Variants in TENM3 observed in about 807,000 individuals in gnomAD.
TENM3 encodes the protein teneurin transmembrane protein 3, also known as teneurin-3.
TENM3 carries 63 observed loss-of-function variants against 255.1 expected under a neutral mutation model. The observed-to-expected ratio is 0.25, with a 90% CI of 0.20 to 0.30. TENM3 has a LOEUF of 0.30. TENM3 is among the 10% of genes least tolerant of loss of function. TENM3 has a pLI of 1.00. For synonymous variants in TENM3, 1,306 were observed against 1,322.3 expected, an observed-to-expected ratio of 0.99 and a Z score of 0.27; for missense variants, 2,929 against 3,461.1, an observed-to-expected ratio of 0.85 and a Z score of 3.86.
At chr4:182,377,165 C>A (rs1173115886) in intron 3 of TENM3, among the ~76,000 whole-genome samples, 1 of 152,128 alleles carries the variant, frequency 6.6e-6, no homozygotes, top group Non-Finnish European at 1.5e-5. Context: ...TTGCTAATGA[C>A]CCATATAGTA....
chr4:182,754,431 A>G lies in TENM3; in HGVS notation c.4064A>G (p.Asn1355Ser), dbSNP rs1762582244. The G allele has an allele frequency of 6.2e-7, 1 of 1,610,116 alleles. No homozygotes were observed. Among genetic ancestry groups the G allele is most frequent in the African/African-American group, 1.3e-5 (1 of 74,886 alleles). The change falls in exon 22 of 28, where the codon AAC (asparagine) becomes AGC (serine). Residue 1355 changes from asparagine (N) to serine (S), a missense_variant. By Grantham distance (46) the Asn-to-Ser change is conservative. This residue lies in a region of TENM3 where 1,608 missense variants were observed against 1,884.4 expected (regional missense o/e 0.85). Transcript: ENST00000511685. The surrounding 1 kb of genome is among the most constrained non-coding windows in gnomAD (Gnocchi z 5.1). ...GACCTAGCCATTAACCCTATGGATA[A>G]CTCCATTTATGTCCTGGATAATAAT... ...PTDLAINPMDNSIYVLDNNVV... is the reference protein window; with the variant it reads ...PTDLAINPMDSSIYVLDNNVV...
the TENM3 span, among the ~76,000 whole-genome samples, chr4:181,699,274 T>C: frequency 6.7e-6 from 1 of 149,970 alleles, no homozygotes; most frequent in East Asian, 2.0e-4. Flanking sequence ...CTAGAAAAAA[T>C]ACAAAAATTA....
the TENM3 span, among the ~76,000 whole-genome samples, chr4:181,675,083 A>T: frequency 6.6e-6 from 1 of 152,168 alleles, no homozygotes; most frequent in East Asian, 1.9e-4. Flanking sequence ...CTAAACAGCA[A>T]GTCTGGGTCT....
the TENM3 span, among the ~76,000 whole-genome samples, chr4:181,489,000 G>A: frequency 6.6e-6 from 1 of 152,170 alleles, no homozygotes; most frequent in Non-Finnish European, 1.5e-5. Flanking sequence ...GGTCCTCTGA[G>A]CCTTGCAATA....
chr4:182,578,857 T>TC (rs1031586843), intron 3 of TENM3, among the ~76,000 whole-genome samples: 26 of 152,348 alleles, frequency 1.7e-4, no homozygotes, highest in African/African-American at 6.3e-4. Context: ...TTTGGAAATC[T>TC]CCAGTCTTCC....
the TENM3 span, among the ~76,000 whole-genome samples, chr4:182,101,100 GAGGGAGGAAGGAAAGA>G: frequency 2.9e-4 from 3 of 10,182 alleles, no homozygotes; most frequent in African/African-American, 7.1e-4. Context: ...GGGAGGGAGG[GAGGGAGGAAGGAAAGA>G]AGGAAGGAAA....
chr4:182,595,052 C>T lies in TENM3; in HGVS notation c.512-5872C>T, dbSNP rs562783529. Among the ~76,000 whole-genome samples, 3 of 152,204 alleles carry T rather than the reference C, an allele frequency of 2.0e-5. No individual in the cohort carries two copies. The East Asian group carries it at 5.8e-4, about 29-fold the overall frequency. On this transcript the variant is annotated intron_variant, in intron 3 of 27. Transcript: ENST00000511685. ...CTTGGCACTTAACTTTTATGTCAGGCACTGTGTGTTTTTAGCTCCTTTAAA... is the reference window on the plus strand; with the variant it reads ...CTTGGCACTTAACTTTTATGTCAGGTACTGTGTGTTTTTAGCTCCTTTAAA...
chr4:181,981,937 A>G, the TENM3 span, among the ~76,000 whole-genome samples: 3 of 152,324 alleles, frequency 2.0e-5, no homozygotes, highest in East Asian at 5.8e-4. Flanking sequence ...TCAGACTCCT[A>G]TTTAAGATAA....
chr4:181,676,253 T>C, the TENM3 span, among the ~76,000 whole-genome samples: 1 of 152,084 alleles, frequency 6.6e-6, no homozygotes, highest in African/African-American at 2.4e-5. Context: ...TAAAGAAAAC[T>C]TCACAAACAA....
chr4:181,700,275 C>G, the TENM3 span, among the ~76,000 whole-genome samples: 1 of 150,404 alleles, frequency 6.6e-6, no homozygotes, highest in Non-Finnish European at 1.5e-5. Context: ...TAATATAAGT[C>G]AGTGACAAAA....
chr4:182,416,317 C>CA (rs1770355545), intron 3 of TENM3, among the ~76,000 whole-genome samples: 1 of 151,822 alleles, frequency 6.6e-6, no homozygotes, highest in South Asian at 2.1e-4. Context: ...TGACCAGCTG[C>CA]AAAAATGGTA....
At chr4:182,262,719 TC>T (rs1470997999) in intron 1 of TENM3, among the ~76,000 whole-genome samples, 22 of 138,034 alleles carry the variant, frequency 1.6e-4, no homozygotes, top group African/African-American at 5.8e-4. Flanking sequence ...TCCTTTACTT[TC>T]TTTTTTTTTT....
At chr4:182,648,009 G>C (rs1365940469) in intron 5 of TENM3, among the ~76,000 whole-genome samples, 1 of 152,142 alleles carries the variant, frequency 6.6e-6, no homozygotes, top group Admixed American at 6.5e-5. Context: ...CACTTCCTGA[G>C]ATTTGCACTG....
chr4:182,570,393 C>T (rs999761636), intron 3 of TENM3, among the ~76,000 whole-genome samples: 1 of 152,158 alleles, frequency 6.6e-6, no homozygotes, highest in Non-Finnish European at 1.5e-5. Context: ...CACATATTGA[C>T]TCCCAGGCAC....
chr4:182,284,617 C>G (rs907340414), intron 1 of TENM3, among the ~76,000 whole-genome samples: 1 of 152,000 alleles, frequency 6.6e-6, no homozygotes, highest in African/African-American at 2.4e-5. Flanking sequence ...AACGCTGTTA[C>G]GAAGCTGTCA....
chr4:181,891,713 G>T, the TENM3 span, among the ~76,000 whole-genome samples: 1 of 152,170 alleles, frequency 6.6e-6, no homozygotes, highest in South Asian at 2.1e-4. Context: ...ATTTCCAGTT[G>T]TTTACAGAAC....
At chr4:182,546,295 C>T (rs1580891941) in intron 3 of TENM3, among the ~76,000 whole-genome samples, 1 of 152,274 alleles carries the variant, frequency 6.6e-6, no homozygotes, top group African/African-American at 2.4e-5. Context: ...TATTTGTTTC[C>T]TTTTAATTTT....
Position 182,793,857 on chromosome 4 carries a change from A to G in TENM3, c.7185A>G (p.Lys2395=). 1 of 1,611,010 alleles carries G rather than the reference A, an allele frequency of 6.2e-7. No individual in the cohort carries two copies. Among genetic ancestry groups the G allele is most frequent in the South Asian group, 1.1e-5 (1 of 90,738 alleles). Residue 2395 remains lysine, a synonymous_variant, in exon 26 of 28, where the codon AAA becomes AAG. Transcript: ENST00000511685. The surrounding 1 kb of genome is among the most constrained non-coding windows in gnomAD (Gnocchi z 5.7). ...TTAGGAATAACAACCCTGCAAGCAA[A>G]ATCCATGACGTGAAAGATTACATCA... is the stretch of plus-strand genomic sequence containing the variant. ...YMFRNNNPAS[K]IHDVKDYITD... is the part of the protein sequence containing the mutation.
the TENM3 span, chr4:181,905,836 G>A: frequency 2.3e-6 from 1 of 428,652 alleles, no homozygotes; most frequent in Non-Finnish European, 4.4e-6. Context: ...TCCTCCTCAT[G>A]TCTGGATTTC....
Sources: gnomAD v4.1 joint callset for allele counts (sites outside exome capture counted in the v4.1 genomes callset) on GRCh38, gnomAD v4.1.1 for gene constraint, gnomAD v4.1.1 regional missense constraint, Gnocchi (gnomAD v3.1) non-coding constraint, MANE v1.5 for transcripts, NCBI Gene and HGNC (gene_info 2026-07-23, HGNC 2026-07-21) for gene names.